TJP1: variants seen among roughly 807,000 people sequenced by gnomAD.
TJP1 encodes the protein tight junction protein 1.
In TJP1, 43 loss-of-function variants were observed where a neutral mutation model predicts 194.2. That is an observed-to-expected ratio of 0.22 (90% confidence interval 0.17 to 0.29). The LOEUF (loss-of-function observed/expected upper bound fraction) is 0.29, where lower values mean the gene tolerates loss of function less well. TJP1 is among the 10% of genes least tolerant of loss of function. The probability of loss-of-function intolerance (pLI) is 1.00; values close to 1 mark genes in which losing one functional copy is unlikely to be tolerated. For missense variants in TJP1, 1,971 were observed against 2,185.7 expected (o/e 0.90, Z 1.96); for synonymous variants, 801 against 779.0 (o/e 1.03, Z -0.47).
chr15:29,808,176 G>A (rs1292834913), intron 1 of TJP1, among the ~76,000 whole-genome samples: 2 of 152,194 alleles, frequency 1.3e-5, no homozygotes, highest in Admixed American at 6.5e-5. Context: ...GCTGAGGCAC[G>A]AGAATCACTT....
In TJP1 at chr15:29,958,065, C is replaced by T. The variant is rs1329342649; in HGVS notation, c.174-1701G>A. On this transcript the variant is annotated intron_variant, in intron 1 of 28. Coordinates refer to the TJP1 transcript ENST00000356107. ...ATTAATCTATGTCTTTTAGTTTTTGCTTTTTATATTTCAATTGTTTTTTAT... is the reference window on the plus strand; with the variant it reads ...ATTAATCTATGTCTTTTAGTTTTTGTTTTTTATATTTCAATTGTTTTTTAT... Among the ~76,000 whole-genome samples, 6 of 152,000 alleles carry T rather than the reference C, an allele frequency of 3.9e-5. No individual in the cohort carries two copies. In the South Asian group the frequency reaches 8.3e-4, roughly 21 times the overall value.
chr15:29,905,213 G>A (rs2053767149), intron 2 of TJP1, among the ~76,000 whole-genome samples: 1 of 152,094 alleles, frequency 6.6e-6, no homozygotes. Flanking sequence ...ACAGCCTTTG[G>A]GAAAAATAAT....
chr15:29,779,373 T>C, intron 2 of TJP1, among the ~76,000 whole-genome samples: 1 of 152,080 alleles, frequency 6.6e-6, no homozygotes, highest in East Asian at 1.9e-4. Flanking sequence ...CCCCAATCTT[T>C]CTCCCCCACA....
At chr15:29,844,799 A>G (rs1258071363) in intron 2 of TJP1, among the ~76,000 whole-genome samples, 1 of 152,166 alleles carries the variant, frequency 6.6e-6, no homozygotes, top group Non-Finnish European at 1.5e-5. Context: ...AGAAATATTC[A>G]GGTTGGAGGT....
intron 25 of TJP1, among the ~76,000 whole-genome samples, chr15:29,707,461 T>C (rs2041968538): frequency 6.6e-6 from 1 of 152,178 alleles, no homozygotes; most frequent in South Asian, 2.1e-4. Flanking sequence ...CCTGACCATC[T>C]GTGGATGTGC....
Position 29,706,698 on chromosome 15 carries a change from T to C in TJP1, c.4851-953A>G, listed in dbSNP as rs2041921808. ...TTTTTTGAAATGGAGTGTCTTGCTG[T>C]CACCCAGGCTAGAGTACAGCGGTGC... On this transcript the variant is annotated intron_variant, in intron 25 of 27. Coordinates refer to ENST00000614355, the MANE Select transcript of TJP1 (RefSeq NM_001330239.4). Among the ~76,000 whole-genome samples, 3 of 152,278 alleles carry C rather than the reference T, an allele frequency of 2.0e-5. No individual in the cohort carries two copies. The East Asian group carries it at 5.8e-4, about 29-fold the overall frequency.
chr15:29,734,342 G>C lies in TJP1; in HGVS notation c.1448C>G (p.Ala483Gly). 1 of 1,613,146 alleles carries C rather than the reference G, an allele frequency of 6.2e-7. No individual in the cohort carries two copies. Among genetic ancestry groups the C allele is most frequent in the Non-Finnish European group, 8.5e-7 (1 of 1,179,710 alleles). ...AGGGAGGTCAAGCAGGAAAAGGACG[G>C]CTTCTTCTCTTATGATATTTGTAAA... ...VDFTNIIREE[A>G]VLFLLDLPKG... The change falls in exon 12 of 28, where the codon GCC becomes GGC. Residue 483 changes from alanine (A) to glycine (G), a missense_variant. Around this residue, in one of 5 missense-constraint regions of TJP1, gnomAD observed 402 missense variants for 484.2 expected, o/e 0.83. Coordinates refer to ENST00000614355, the MANE Select transcript of TJP1 (RefSeq NM_001330239.4).
At chr15:29,804,182 G>A (rs958904012) in intron 1 of TJP1, among the ~76,000 whole-genome samples, 6 of 152,124 alleles carry the variant, frequency 3.9e-5, no homozygotes, top group African/African-American at 1.2e-4. Flanking sequence ...TACTGATGAG[G>A]AGTTCTGAAT....
At chr15:29,704,833 G>A (rs1040500442) in intron 26 of TJP1, among the ~76,000 whole-genome samples, 1 of 152,206 alleles carries the variant, frequency 6.6e-6, no homozygotes, top group East Asian at 1.9e-4. Context: ...AACACAGTCA[G>A]TCCTACTGGT....
chr15:29,744,511 C>T (rs1412474740), intron 8 of TJP1, among the ~76,000 whole-genome samples: 1 of 151,906 alleles, frequency 6.6e-6, no homozygotes, highest in Non-Finnish European at 1.5e-5. Flanking sequence ...TGTACCAAGA[C>T]AATATATATT....
rs760132845 is a variant in TJP1 at position 29,718,924 on chromosome 15, T to G, written c.3218A>C (p.Asn1073Thr). ...SSSYTDQFSR[N>T]YEHRLRYEDR... ...TTCGTATCGCAGACGATGTTCATAG[T>G]TTCGAGAAAACTGGTCCGTATAGCT... Residue 1073 changes from asparagine (N) to threonine (T), a missense_variant, in exon 21 of 28, where the codon AAC (asparagine) becomes ACC (threonine). Around this residue, in one of 5 missense-constraint regions of TJP1, gnomAD observed 1,108 missense variants for 1,128.5 expected, o/e 0.98. Coordinates refer to ENST00000614355, the MANE Select transcript of TJP1 (RefSeq NM_001330239.4). The G allele has an allele frequency of 5.0e-6, 8 of 1,614,052 alleles. No homozygotes were observed. In the African/African-American group the frequency reaches 1.1e-4, roughly 22 times the overall value.
At position 29,733,232 on chromosome 15, in the gene TJP1, T is replaced by C. The variant is rs199904588; in HGVS notation, c.1598A>G (p.Tyr533Cys). 83 of 1,614,080 alleles carry C rather than the reference T, an allele frequency of 5.1e-5. No individual in the cohort carries two copies. Among genetic ancestry groups the C allele is most frequent in the Non-Finnish European group, 5.9e-5 (70 of 1,179,966 alleles). Residue 533 changes from tyrosine to cysteine, a missense_variant, in exon 13 of 28, where the codon TAT (tyrosine) becomes TGT (cysteine). This residue lies in a region of TJP1 where 402 missense variants were observed against 484.2 expected (regional missense o/e 0.83). Transcript: ENST00000614355. ...THFEYEKESPYGLSFNKGEVF... is the reference protein window; with the variant it reads ...THFEYEKESPCGLSFNKGEVF... ...CTCTCCTTTGTTAAAACTAAGTCCA[T>C]AGGGAGATTCCTTTTCATATTCAAA...
chr15:29,720,120 T>C (rs2042838746), intron 19 of TJP1, 104 bp from the exon 20 acceptor site: 8 of 1,429,420 alleles, frequency 5.6e-6, no homozygotes, highest in African/African-American at 4.3e-5. Flanking sequence ...GTGTGCTGAA[T>C]AACAAAATTA....
intron 1 of TJP1, among the ~76,000 whole-genome samples, chr15:29,812,274 C>T (rs2049576924): frequency 6.6e-6 from 1 of 152,174 alleles, no homozygotes; most frequent in Non-Finnish European, 1.5e-5. Context: ...CGGGTGTTCA[C>T]TTTATAATAA....
chr15:29,876,554 C>G (rs2052708532), intron 2 of TJP1, among the ~76,000 whole-genome samples: 1 of 150,996 alleles, frequency 6.6e-6, no homozygotes. Flanking sequence ...TTTTTTGTGA[C>G]TTTTTAGCTC....
At chr15:29,712,986 C>T (rs2151063044) in intron 23 of TJP1, among the ~76,000 whole-genome samples, 1 of 152,270 alleles carries the variant, frequency 6.6e-6, no homozygotes. Context: ...GCAAGACCTC[C>T]TCCATCTCCA....
intron 2 of TJP1, among the ~76,000 whole-genome samples, chr15:29,860,680 C>T (rs2052044829): frequency 1.3e-5 from 2 of 152,108 alleles, no homozygotes; most frequent in South Asian, 2.1e-4. Context: ...TATTTTTCAG[C>T]TGATGAACAA....
intron 1 of TJP1, among the ~76,000 whole-genome samples, chr15:29,965,192 T>TTTATTTAC (rs2056291143): frequency 7.1e-5 from 1 of 14,116 alleles, no homozygotes; most frequent in South Asian, 1.7e-3. Flanking sequence ...CTCACATTTA[T>TTTATTTAC]TTATTTATTT....
chr15:29,954,028 A>G (rs923528232), intron 2 of TJP1, among the ~76,000 whole-genome samples: 4 of 152,174 alleles, frequency 2.6e-5, no homozygotes, highest in Non-Finnish European at 4.4e-5. Flanking sequence ...CTTCAGGGAT[A>G]CTAAGACATT....
Sources: allele counts gnomAD v4.1 joint callset (sites outside exome capture counted in the v4.1 genomes callset), GRCh38; gene constraint gnomAD v4.1.1; regional missense constraint gnomAD v4.1.1; transcripts MANE v1.5; gene names NCBI Gene and HGNC (gene_info 2026-07-23, HGNC 2026-07-21).